The following MAP2K7 variants were observed in gnomAD, a reference collection of about 807,000 sequenced individuals.
MAP2K7 encodes the protein dual specificity mitogen-activated protein kinase kinase 7.
Under a neutral mutation model 47.7 loss-of-function variants are expected in MAP2K7, and 12 were observed. The observed-to-expected ratio is 0.25, with a 90% CI of 0.16 to 0.41. The LOEUF (loss-of-function observed/expected upper bound fraction) is 0.41, where lower values mean the gene tolerates loss of function less well. MAP2K7 is among the 10% of genes least tolerant of loss of function. MAP2K7 has a pLI of 1.00. For synonymous variants in MAP2K7, 299 were observed against 243.0 expected (o/e 1.23, Z -2.14); for missense variants, 415 against 600.3 (o/e 0.69, Z 3.23).
Position 7,910,971 on chromosome 19 carries a change from T to C in MAP2K7, c.676-9T>C. On this transcript the variant is annotated splice_polypyrimidine_tract_variant and intron_variant, in intron 6 of 10. Transcript: ENST00000397979. ...CCTGCCACATGCACCCCCCTCTGCG[T>C]GCCTGCAGATTGTGAAGGCGCTGTA... is the stretch of plus-strand genomic sequence containing the variant. The C allele has an allele frequency of 6.2e-7, 1 of 1,604,378 alleles. No individual in the cohort carries two copies. The highest frequency in any genetic ancestry group is 8.5e-7 in the Non-Finnish European group (1 of 1,173,214).
chr19:7,911,883 C>CGA (rs955668575), intron 9 of MAP2K7, among the ~76,000 whole-genome samples: 9 of 152,192 alleles, frequency 5.9e-5, no homozygotes. Context: ...TCGATTCTCT[C>CGA]AGGGGAGCCC....
intron 1 of MAP2K7, chr19:7,905,955 G>A: frequency 9.8e-7 from 1 of 1,023,416 alleles, no homozygotes; most frequent in South Asian, 1.3e-5. Flanking sequence ...TGCTCTGTGT[G>A]TGTCCCCATG....
chr19:7,906,375 C>G (rs991467696), intron 1 of MAP2K7: 1 of 155,720 alleles, frequency 6.4e-6, no homozygotes, highest in African/African-American at 2.4e-5. Flanking sequence ...GGAGCACATT[C>G]CCACCAGAGA....
chr19:7,912,508 G>C lies in MAP2K7; in HGVS notation c.*77G>C, dbSNP rs1286263229. 13 of 1,500,564 alleles carry C rather than the reference G, an allele frequency of 8.7e-6. No homozygotes were observed. The highest frequency in any genetic ancestry group is 1.2e-5 in the Non-Finnish European group (13 of 1,126,908). 93.0% of individuals were successfully genotyped at this position (1,500,564 alleles called of 1,614,324 possible). ...CCCCTCCCCACTTGGCCACCCAGCT[G>C]CCTGCCAGGGGAGACCTGGGACCTG... On this transcript the variant is annotated 3_prime_UTR_variant, in exon 11 of 11. Transcript: ENST00000397979.
chr19:7,913,871 C>T lies in MAP2K7; in HGVS notation c.*1440C>T, dbSNP rs1249366334. The T allele has an allele frequency of 1.3e-5, 2 of 152,516 alleles. No homozygotes were observed. Among genetic ancestry groups the T allele is most frequent in the Non-Finnish European group, 2.9e-5 (2 of 68,046 alleles). 9.4% of individuals were successfully genotyped at this position (152,516 alleles called of 1,614,324 possible). On this transcript the variant is annotated 3_prime_UTR_variant, in exon 11 of 11. Coordinates refer to ENST00000397979, the MANE Select transcript of MAP2K7 (RefSeq NM_145185.4). ...TGGGGGCAGCGTAGGCGTAGCATCC[C>T]TCTCCTCTCACTTAGCCTGTTGACT... is the stretch of plus-strand genomic sequence containing the variant.
intron 1 of MAP2K7, among the ~76,000 whole-genome samples, chr19:7,905,159 T>C (rs952643920): frequency 6.6e-6 from 1 of 152,206 alleles, no homozygotes; most frequent in Middle Eastern, 3.2e-3. Context: ...ATGATCCTTT[T>C]TGTGTCTTTC....
In MAP2K7 at chr19:7,909,750, C is replaced by A; in HGVS notation, c.125-5C>A. ...CCTCCCTGCCACTGGTTCTCACCCC[C>A]CTAGCCCTGCAGCTCCCGCTGGCCA... is the stretch of plus-strand genomic sequence containing the variant. On this transcript the variant is annotated splice_region_variant and splice_polypyrimidine_tract_variant and intron_variant, in intron 1 of 10. Transcript: ENST00000397979. 8 of 1,539,442 alleles carry A rather than the reference C, an allele frequency of 5.2e-6. No individual in the cohort carries two copies. Among genetic ancestry groups the A allele is most frequent in the Non-Finnish European group, 7.0e-6 (8 of 1,144,600 alleles).
At position 7,909,883 on chromosome 19, in the gene MAP2K7, C is replaced by T. The variant is rs766635456; in HGVS notation, c.253C>T (p.Arg85Cys). The T allele has an allele frequency of 1.0e-5, 16 of 1,525,244 alleles. No individual in the cohort carries two copies. Among genetic ancestry groups the T allele is most frequent in the South Asian group, 6.2e-5 (5 of 81,004 alleles). The allele number at this position is 1,525,244 out of a possible 1,614,324, so 94.5% of individuals were successfully genotyped here. ...GCTCCCGTCAACCCTGTTCACACCC[C>T]GCAGCATGGAGAGGTGAGCCAGGGG... ...LGLPSTLFTPRSMESIEIDQK... is the reference protein window; with the variant it reads ...LGLPSTLFTPCSMESIEIDQK... Residue 85 changes from arginine to cysteine, a missense_variant, in exon 2 of 11, where the codon CGC (arginine) becomes TGC (cysteine). Arg to Cys is a radical substitution (Grantham distance 180, BLOSUM62 -3). Around this residue, in one of 3 missense-constraint regions of MAP2K7, gnomAD observed 115 missense variants for 126.2 expected, o/e 0.91. Coordinates refer to ENST00000397979, the MANE Select transcript of MAP2K7 (RefSeq NM_145185.4).
rs1395332039 is a variant in MAP2K7, at chr19:7,913,990, CTTGCCCCTTGGCCCCTTTGTCA to C, written c.*1560_*1581del. ...CCCCCAGGGAGGAAAGCCACCTTCT[CTTGCCCCTTGGCCCCTTTGTCA>C]GGGGCCAGGGGTCTGCCGGGTGGGG... On this transcript the variant is annotated 3_prime_UTR_variant, in exon 11 of 11. Coordinates refer to ENST00000397979, the MANE Select transcript of MAP2K7 (RefSeq NM_145185.4). 1 of 152,144 alleles carries C rather than the reference CTTGCCCCTTGGCCCCTTTGTCA, an allele frequency of 6.6e-6. No individual in the cohort carries two copies. Among genetic ancestry groups the C allele is most frequent in the Non-Finnish European group, 1.5e-5 (1 of 67,990 alleles). 9.4% of individuals were successfully genotyped at this position (152,144 alleles called of 1,614,324 possible). A position where few individuals can be genotyped will look rare whatever the true frequency, so the allele number is the denominator to read the frequency against.
rs56106612 is a variant in MAP2K7, at chr19:7,910,338, C to T, written c.412C>T (p.Arg138Cys). ...CACCTGCGGCCAGGTGTGGAAGATG[C>T]GCTTCCGGAAGACCGGCCACGTCAT... ...SGTCGQVWKM[R>C]FRKTGHVIAV... is the part of the protein sequence containing the mutation. The change falls in exon 4 of 11, where the codon CGC (arginine) becomes TGC (cysteine). Residue 138 changes from arginine to cysteine, a missense_variant. Transcript: ENST00000397979. 4.2e-5 allele frequency: 67 copies of T among 1,613,092 alleles called. No individual in the cohort carries two copies. Among genetic ancestry groups the T allele is most frequent in the East Asian group, 2.7e-4 (12 of 44,874 alleles).
intron 1 of MAP2K7, 106 bp downstream of exon 1, chr19:7,904,174 G>T (rs1337641748): frequency 6.4e-6 from 6 of 933,520 alleles, no homozygotes; most frequent in South Asian, 1.0e-4. Flanking sequence ...CGGGGCGCTC[G>T]CTCTCCTCTC....
At chr19:7,904,186 G>C (rs1599618581) in intron 1 of MAP2K7, 118 bp downstream of exon 1, 2 of 819,244 alleles carry the variant, frequency 2.4e-6, no homozygotes, top group Non-Finnish European at 3.1e-6. Flanking sequence ...TCTCCTCTCC[G>C]CCCCCCCCGC....
In MAP2K7 at chr19:7,912,125, C is replaced by T. The variant is rs542047935; in HGVS notation, c.1080-24C>T. On this transcript the variant is annotated intron_variant, in intron 9 of 10. Coordinates refer to ENST00000397979, the MANE Select transcript of MAP2K7 (RefSeq NM_145185.4). ...ATCCCCTCCTCCCTCGTTCTCACAT[C>T]TGTCTTCCCTTCTCTTGCTCTAGCC... 10 of 1,612,700 alleles carry T rather than the reference C, an allele frequency of 6.2e-6. No individual in the cohort carries two copies. The East Asian group carries it at 8.9e-5, about 14-fold the overall frequency.
intron 5 of MAP2K7, 31 bp from the exon 6 acceptor site, chr19:7,910,665 A>G: frequency 6.2e-7 from 1 of 1,606,780 alleles, no homozygotes; most frequent in Non-Finnish European, 8.5e-7. Flanking sequence ...GCCGGAAGAC[A>G]CAGCTCCCCC....
chr19:7,910,280 C>T lies in MAP2K7; in HGVS notation c.354C>T (p.Asn118=), dbSNP rs369656037. 86 of 1,613,280 alleles carry T rather than the reference C, an allele frequency of 5.3e-5. No homozygotes were observed. Among genetic ancestry groups the T allele is most frequent in the Non-Finnish European group, 6.6e-5 (78 of 1,179,942 alleles). The change falls in exon 4 of 11, where the codon AAC becomes AAT. Residue 118 remains asparagine, a synonymous_variant. Coordinates refer to ENST00000397979, the MANE Select transcript of MAP2K7 (RefSeq NM_145185.4). ...IGGQRYQAEI[N]DLENLGEMGS... ...CCCAGCGCTACCAGGCAGAAATCAA[C>T]GACCTGGAGAACTTGGGCGAGATGG...
At chr19:7,905,735 TC>T in intron 1 of MAP2K7, 6 of 1,324,384 alleles carry the variant, frequency 4.5e-6, no homozygotes, top group Non-Finnish European at 2.2e-6. Flanking sequence ...TGATTTCTTT[TC>T]TTTTGGACGA....
At chr19:7,909,458 A>T (rs1005461810) in intron 1 of MAP2K7, among the ~76,000 whole-genome samples, 3 of 152,138 alleles carry the variant, frequency 2.0e-5, no homozygotes, top group Admixed American at 6.5e-5. Flanking sequence ...GCCGAGGGAC[A>T]CCTCAGGTCC....
intron 1 of MAP2K7, 92 bp from the exon 2 acceptor site, chr19:7,909,663 A>C: frequency 1.4e-6 from 1 of 692,226 alleles, no homozygotes. Flanking sequence ...GGGGAAGGTG[A>C]GGGTCCCGAC....
Position 7,912,627 on chromosome 19 carries a change from G to T in MAP2K7, c.*196G>T, listed in dbSNP as rs1296951734. The T allele has an allele frequency of 3.2e-6, 2 of 628,450 alleles. No individual in the cohort carries two copies. The highest frequency in any genetic ancestry group is 5.3e-6 in the Non-Finnish European group (2 of 376,226). The allele number at this position is 628,450 out of a possible 1,614,324, so 38.9% of individuals were successfully genotyped here. A position where few individuals can be genotyped will look rare whatever the true frequency, so the allele number is the denominator to read the frequency against. On this transcript the variant is annotated 3_prime_UTR_variant, in exon 11 of 11. Transcript: ENST00000397979. ...AAGCCCCCGCCCTTCCCACCCCGGG[G>T]TCAGCCGGCCGTGTGCGTCCCCCGA...
Sources: allele counts gnomAD v4.1 joint callset (sites outside exome capture counted in the v4.1 genomes callset), GRCh38; gene constraint gnomAD v4.1.1; regional missense constraint gnomAD v4.1.1; transcripts MANE v1.5; gene names NCBI Gene and HGNC (gene_info 2026-07-23, HGNC 2026-07-21).